The following NDST3 variants were observed in gnomAD, a reference collection of about 807,000 sequenced individuals.
NDST3 encodes the protein N-deacetylase and N-sulfotransferase 3.
In NDST3, 58 loss-of-function variants were observed where a neutral mutation model predicts 96.1. The observed-to-expected ratio is 0.60, with a 90% confidence interval of 0.49 to 0.75. The LOEUF is 0.75. Among genes scored for constraint, NDST3 ranks in the 30% least tolerant of loss-of-function variants. The probability of loss-of-function intolerance (pLI) is 0.00; values close to 1 mark genes in which losing one functional copy is unlikely to be tolerated. For missense variants in NDST3, 788 were observed against 1,034.2 expected (o/e 0.76, Z 3.27); for synonymous variants, 333 against 359.7 (o/e 0.93, Z 0.84).
intron 6 of NDST3, among the ~76,000 whole-genome samples, chr4:118,220,457 G>A (rs1244603844): frequency 6.6e-6 from 1 of 151,926 alleles, no homozygotes; most frequent in East Asian, 1.9e-4. Context: ...TTAGGGGATG[G>A]GGGGCTAGGG....
intron 1 of NDST3, among the ~76,000 whole-genome samples, chr4:118,048,793 C>T (rs1724912784): frequency 6.6e-6 from 1 of 152,018 alleles, no homozygotes; most frequent in Non-Finnish European, 1.5e-5. Context: ...GATGTCAACA[C>T]CCCACTCACA....
chr4:118,092,694 T>C lies in NDST3; in HGVS notation c.982-12324T>C, dbSNP rs187477034. The stretch of plus-strand genomic sequence containing the variant: ...TTAATTTGTTTATTCATTCAATAAA[T>C]ATTTATGAGTGCCTACTACATAGCA... On this transcript the variant is annotated intron_variant, in intron 2 of 13. Transcript: ENST00000296499. Among the ~76,000 whole-genome samples the C allele has an allele frequency of 8.6e-5, 13 of 151,942 alleles. No homozygotes were observed. In the East Asian group the frequency reaches 2.5e-3, roughly 29 times the overall value.
chr4:118,125,534 A>T (rs1731978167), intron 4 of NDST3, among the ~76,000 whole-genome samples: 1 of 152,064 alleles, frequency 6.6e-6, no homozygotes, highest in Non-Finnish European at 1.5e-5. Context: ...ATTTTAGGAG[A>T]TTATTCCATC....
intron 4 of NDST3, among the ~76,000 whole-genome samples, chr4:118,120,061 G>C (rs1731431164): frequency 6.6e-6 from 1 of 152,106 alleles, no homozygotes; most frequent in South Asian, 2.1e-4. Context: ...ATCTAGATAA[G>C]TTATGTATAG....
intron 6 of NDST3, among the ~76,000 whole-genome samples, chr4:118,167,481 CTACTCA>C (rs1735629535): frequency 6.6e-6 from 1 of 151,856 alleles, no homozygotes; most frequent in African/African-American, 2.4e-5. Context: ...AATGTCCATA[CTACTCA>C]AAGTAATCTA....
chr4:118,229,832 T>C (rs1264722717), intron 8 of NDST3, among the ~76,000 whole-genome samples: 1 of 152,216 alleles, frequency 6.6e-6, no homozygotes, highest in Non-Finnish European at 1.5e-5. Flanking sequence ...ATATCTCATG[T>C]ATGTAATTGA....
intron 4 of NDST3, among the ~76,000 whole-genome samples, chr4:118,122,205 A>T (rs1731647204): frequency 2.0e-5 from 3 of 152,224 alleles, no homozygotes; most frequent in Non-Finnish European, 2.9e-5. Context: ...AGAAACTCAT[A>T]CTAGTGGGCT....
At chr4:118,075,752 T>G (rs202154172) in intron 2 of NDST3, among the ~76,000 whole-genome samples, 2 of 14,608 alleles carry the variant, frequency 1.4e-4, no homozygotes, top group Non-Finnish European at 1.8e-3. Flanking sequence ...GCTGTTTGAT[T>G]TTTTTCTTGT....
At chr4:118,173,851 A>G (rs1010519656) in intron 6 of NDST3, among the ~76,000 whole-genome samples, 1 of 152,128 alleles carries the variant, frequency 6.6e-6, no homozygotes, top group Non-Finnish European at 1.5e-5. Flanking sequence ...TGCTATTGTA[A>G]TACATAGAAT....
chr4:118,075,672 G>A (rs1233829823), intron 2 of NDST3, among the ~76,000 whole-genome samples: 1 of 152,166 alleles, frequency 6.6e-6, no homozygotes, highest in Non-Finnish European at 1.5e-5. Flanking sequence ...TTTTTCATGT[G>A]TCTGTTGGTT....
intron 6 of NDST3, among the ~76,000 whole-genome samples, chr4:118,168,324 G>A (rs550595378): frequency 1.3e-4 from 19 of 151,972 alleles, no homozygotes; most frequent in African/African-American, 4.6e-4. Flanking sequence ...AGAAATTATA[G>A]GTCAATGCTC....
intron 6 of NDST3, among the ~76,000 whole-genome samples, chr4:118,184,602 TACACACACACAC>T (rs562099266): frequency 4.8e-4 from 67 of 138,578 alleles, no homozygotes; most frequent in African/African-American, 1.6e-3. Flanking sequence ...TCTCTCTCTC[TACACACACACAC>T]ACACACACAC....
chr4:118,129,419 A>G (rs1732409286), intron 4 of NDST3, among the ~76,000 whole-genome samples: 1 of 151,952 alleles, frequency 6.6e-6, no homozygotes, highest in Admixed American at 6.6e-5. Flanking sequence ...AAGTTTTTCA[A>G]TTTCCATCTT....
At position 118,054,427 on chromosome 4, in the gene NDST3, C is replaced by A; in HGVS notation, c.517C>A (p.Gln173Lys). 6.2e-7 allele frequency: 1 copy of A among 1,612,838 alleles called. No individual in the cohort carries two copies. The highest frequency in any genetic ancestry group is 8.5e-7 in the Non-Finnish European group (1 of 1,179,372). Reference protein sequence around the residue: ...GFHKTSEKSVQSFQLKGFPFS... With the variant: ...GFHKTSEKSVKSFQLKGFPFS... ...CCACAAAACTAGTGAGAAGAGTGTA[C>A]AGAGCTTTCAGTTAAAAGGTTTCCC... is the stretch of plus-strand genomic sequence containing the variant. The change falls in exon 2 of 14, where the codon CAG becomes AAG. Residue 173 changes from glutamine (Q) to lysine (K), a missense_variant. Around this residue, in one of 3 missense-constraint regions of NDST3, gnomAD observed 234 missense variants for 256.9 expected, o/e 0.91. Coordinates refer to ENST00000296499, the MANE Select transcript of NDST3 (RefSeq NM_004784.3).
chr4:118,164,392 C>T (rs1735405529), intron 6 of NDST3, among the ~76,000 whole-genome samples: 1 of 152,230 alleles, frequency 6.6e-6, no homozygotes, highest in African/African-American at 2.4e-5. Flanking sequence ...CTCTTGGGTA[C>T]CAGTCTTGGG....
At chr4:118,042,461 G>C (rs1474952160) in intron 1 of NDST3, among the ~76,000 whole-genome samples, 2 of 152,040 alleles carry the variant, frequency 1.3e-5, no homozygotes, top group Non-Finnish European at 2.9e-5. Flanking sequence ...TTCTCTCTCT[G>C]TTCATATTAC....
chr4:118,166,190 CAAAT>C (rs1426131617), intron 6 of NDST3, among the ~76,000 whole-genome samples: 2 of 151,296 alleles, frequency 1.3e-5, no homozygotes, highest in Non-Finnish European at 3.0e-5. Flanking sequence ...GAAGAAGACT[CAAAT>C]AAATAAAATT....
intron 12 of NDST3, among the ~76,000 whole-genome samples, chr4:118,251,926 A>G (rs2126014652): frequency 6.6e-6 from 1 of 152,268 alleles, no homozygotes; most frequent in South Asian, 2.1e-4. Flanking sequence ...ATTTATGAGC[A>G]TGGTATAGCT....
chr4:118,063,783 C>A (rs991001727), intron 2 of NDST3, among the ~76,000 whole-genome samples: 2 of 152,082 alleles, frequency 1.3e-5, no homozygotes, highest in Non-Finnish European at 2.9e-5. Flanking sequence ...GACTAACTTG[C>A]CCAAGATCTT....
Sources: allele counts gnomAD v4.1 joint callset (sites outside exome capture counted in the v4.1 genomes callset), GRCh38; gene constraint gnomAD v4.1.1; regional missense constraint gnomAD v4.1.1; transcripts MANE v1.5; gene names NCBI Gene and HGNC (gene_info 2026-07-23, HGNC 2026-07-21).